Variants in CCDC186 observed in about 807,000 individuals in gnomAD.
The protein encoded by CCDC186 is coiled-coil domain-containing protein 186.
CCDC186 carries 49 observed loss-of-function variants against 113.7 expected under a neutral mutation model. The ratio of observed to expected loss-of-function variants is 0.43; its 90% CI spans 0.34 to 0.55. The LOEUF (loss-of-function observed/expected upper bound fraction) is 0.55, where lower values mean the gene tolerates loss of function less well. CCDC186 is among the 20% of genes least tolerant of loss of function. The pLI, the probability that CCDC186 is intolerant of heterozygous loss-of-function variation, is 0.02. For missense variants in CCDC186, 890 were observed against 1,011.1 expected, an observed-to-expected ratio of 0.88 and a Z score of 1.62; for synonymous variants, 355 against 345.8, an observed-to-expected ratio of 1.03 and a Z score of -0.30.
In CCDC186 at chr10:114,126,936, AG is replaced by A. The variant is rs112805780; in HGVS notation, c.2393+524del. Reference sequence around the variant, plus strand: ...ATCTCCAGCTCTAGGTCTGTCACACAGGGGATGAACGGTGACCCTGGAACAT... The same window carrying A: ...ATCTCCAGCTCTAGGTCTGTCACACAGGGATGAACGGTGACCCTGGAACAT... On this transcript the variant is annotated intron_variant, in intron 14 of 15. Coordinates refer to ENST00000369287, the MANE Select transcript of CCDC186 (RefSeq NM_018017.4). Among the ~76,000 whole-genome samples, 1,294 of 152,290 alleles carry A rather than the reference AG, an allele frequency of 8.5e-3. 20 individuals carry two copies. The highest frequency in any genetic ancestry group is 0.029 in the African/African-American group (1,209 of 41,552).
At chr10:114,171,445 G>C (rs1337204897) in intron 1 of CCDC186, among the ~76,000 whole-genome samples, 2 of 152,132 alleles carry the variant, frequency 1.3e-5, no homozygotes, top group Non-Finnish European at 2.9e-5. Context: ...TAGCTACTCA[G>C]GAGGCTAAGG....
Position 114,124,998 on chromosome 10 carries a change from A to G in CCDC186, c.*145T>C. On this transcript the variant is annotated 3_prime_UTR_variant, in exon 16 of 16. Coordinates refer to ENST00000369287, the MANE Select transcript of CCDC186 (RefSeq NM_018017.4). Reference sequence around the variant, plus strand: ...ATATACAGCAATGCATTCATATTGTAAAAGGGTATTTTTTTGTGTACAGAT... The same window carrying G: ...ATATACAGCAATGCATTCATATTGTGAAAGGGTATTTTTTTGTGTACAGAT... 1.7e-6 allele frequency: 1 copy of G among 597,456 alleles called. No homozygotes were observed. The allele number at this position is 597,456 out of a possible 1,614,324, so 37.0% of individuals were successfully genotyped here. A position where few individuals can be genotyped will look rare whatever the true frequency, so the allele number is the denominator to read the frequency against.
Position 114,125,980 on chromosome 10 carries a change from G to A in CCDC186, c.2519C>T (p.Ala840Val). The A allele has an allele frequency of 1.2e-6, 2 of 1,613,996 alleles. No homozygotes were observed. The highest frequency in any genetic ancestry group is 2.7e-5 in the African/African-American group (2 of 75,026). ...GAGCTCCAATGTTAATCCATTGTCAGCTGGATGGGATGTATATAAAGATGC... is the reference window on the plus strand; with the variant it reads ...GAGCTCCAATGTTAATCCATTGTCAACTGGATGGGATGTATATAAAGATGC... ...IMASLYTSHP[A>V]DNGLTLELSL... Residue 840 changes from alanine to valine, a missense_variant, in exon 15 of 16, where the codon GCT becomes GTT. Ala to Val is a moderately conservative substitution (Grantham distance 64, BLOSUM62 0). Coordinates refer to ENST00000369287, the MANE Select transcript of CCDC186 (RefSeq NM_018017.4).
Position 114,126,101 on chromosome 10 carries a change from T to A in CCDC186, c.2398A>T (p.Ile800Phe). ...TCTTCTCGTAAAATATAACTTTGAA[T>A]TATTCTGCAAAACAAAATGATAGTA... is the stretch of plus-strand genomic sequence containing the variant. ...VEEIRKKTKI[I>F]QSYILREESG... Residue 800 changes from isoleucine to phenylalanine, a missense_variant, in exon 15 of 16, where the codon ATT becomes TTT. Ile to Phe is a conservative substitution (Grantham distance 21, BLOSUM62 0). Transcript: ENST00000369287. 1 of 1,613,116 alleles carries A rather than the reference T, an allele frequency of 6.2e-7. No homozygotes were observed. Among genetic ancestry groups the A allele is most frequent in the Non-Finnish European group, 8.5e-7 (1 of 1,179,426 alleles).
At chr10:114,172,439 G>T (rs1420897704) in intron 1 of CCDC186, among the ~76,000 whole-genome samples, 1 of 152,176 alleles carries the variant, frequency 6.6e-6, no homozygotes, top group African/African-American at 2.4e-5. Context: ...CTTTATGGGT[G>T]AAAGAACTAA....
chr10:114,123,912 C>A lies in CCDC186; in HGVS notation c.*1231G>T. 6.6e-6 allele frequency: 1 copy of A among 152,404 alleles called. No individual in the cohort carries two copies. The highest frequency in any genetic ancestry group is 2.1e-4 in the South Asian group (1 of 4,866). 9.4% of individuals were successfully genotyped at this position (152,404 alleles called of 1,614,324 possible). ...CTAGGCTGGAGTGCAGTGACACGAT[C>A]ATGGCTCACCTGCAGCCTTGACCTC... On this transcript the variant is annotated 3_prime_UTR_variant, in exon 16 of 16. Transcript: ENST00000369287.
At chr10:114,142,121 C>A (rs1239087199) in intron 6 of CCDC186, among the ~76,000 whole-genome samples, 1 of 152,164 alleles carries the variant, frequency 6.6e-6, no homozygotes, top group Non-Finnish European at 1.5e-5. Context: ...ACTGGGCCTT[C>A]TGAGTAAACA....
intron 6 of CCDC186, among the ~76,000 whole-genome samples, chr10:114,139,869 A>G (rs1181198142): frequency 1.3e-5 from 2 of 152,252 alleles, no homozygotes; most frequent in Non-Finnish European, 2.9e-5. Context: ...AGCCTGGCAC[A>G]TAGTAAGCAC....
At chr10:114,155,145 G>T (rs1209851680) in intron 3 of CCDC186, among the ~76,000 whole-genome samples, 1 of 152,316 alleles carries the variant, frequency 6.6e-6, no homozygotes, top group Non-Finnish European at 1.5e-5. Context: ...TTGGGGTGAT[G>T]ACATGTTCTA....
intron 14 of CCDC186, among the ~76,000 whole-genome samples, chr10:114,126,917 A>G (rs2030922751): frequency 6.6e-6 from 1 of 152,212 alleles, no homozygotes; most frequent in Admixed American, 6.5e-5. Context: ...TTGGATCTCC[A>G]GCTCTAGGTC....
At chr10:114,147,254 G>A (rs75819253) in intron 4 of CCDC186, among the ~76,000 whole-genome samples, 10 of 152,288 alleles carry the variant, frequency 6.6e-5, no homozygotes, top group Non-Finnish European at 1.5e-4. Flanking sequence ...GCCTCTGAAA[G>A]AGCTCACCAT....
intron 1 of CCDC186, among the ~76,000 whole-genome samples, chr10:114,164,029 T>C (rs1453316045): frequency 6.8e-6 from 1 of 148,102 alleles, no homozygotes; most frequent in African/African-American, 2.5e-5. Context: ...ACTGCCTAGG[T>C]CAATAAAAGC....
At chr10:114,153,742 C>T (rs1304308180) in intron 3 of CCDC186, among the ~76,000 whole-genome samples, 10 of 147,652 alleles carry the variant, frequency 6.8e-5, no homozygotes, top group Admixed American at 3.4e-4. Context: ...GCCAAGATCA[C>T]GCCACTGCAC....
At position 114,131,330 on chromosome 10, in the gene CCDC186, T is replaced by C. The variant is rs1221094132; in HGVS notation, c.1918A>G (p.Arg640Gly). ...MKQTNINLES[R>G]LLKEEELRKE... ...CGCAGTTCTTCCTCTTTCAACAACC[T>C]ACTTTCCTGAATAGTAAGTAAAACA... Residue 640 changes from arginine (R) to glycine (G), a missense_variant, in exon 12 of 16, where the codon AGG becomes GGG. Coordinates refer to ENST00000369287, the MANE Select transcript of CCDC186 (RefSeq NM_018017.4). The C allele has an allele frequency of 1.9e-6, 3 of 1,573,630 alleles. No individual in the cohort carries two copies. The highest frequency in any genetic ancestry group is 2.6e-6 in the Non-Finnish European group (3 of 1,164,550).
At position 114,131,338 on chromosome 10, in the gene CCDC186, T is replaced by C. The variant is rs2031080685; in HGVS notation, c.1912-2A>G. On this transcript the variant is annotated splice_acceptor_variant, in intron 11 of 15. Transcript: ENST00000369287. LOFTEE classifies it high-confidence loss of function. ...TTCCTCTTTCAACAACCTACTTTCC[T>C]GAATAGTAAGTAAAACAAAAACCAC... 2.6e-6 allele frequency: 4 copies of C among 1,555,594 alleles called. No individual in the cohort carries two copies. The highest frequency in any genetic ancestry group is 2.4e-5 in the East Asian group (1 of 42,008).
chr10:114,151,066 A>T (rs1331215211), intron 4 of CCDC186, 26 bp downstream of exon 4: 1 of 1,605,402 alleles, frequency 6.2e-7, no homozygotes, highest in Non-Finnish European at 8.5e-7. Context: ...ATATCAAGTT[A>T]ATAATGACAA....
chr10:114,172,917 G>A (rs185761441), intron 1 of CCDC186, among the ~76,000 whole-genome samples: 2,074 of 152,206 alleles, frequency 0.014, 53 homozygotes, highest in African/African-American at 0.047. Context: ...TGAACACTCG[G>A]TAAATATTAA....
Position 114,139,108 on chromosome 10 carries a change from C to T in CCDC186, c.1222-1818G>A, listed in dbSNP as rs185424273. 2.6e-5 allele frequency among the ~76,000 whole-genome samples: 4 copies of T among 152,182 alleles called. No individual in the cohort carries two copies. The East Asian group carries it at 5.8e-4, about 22-fold the overall frequency. Reference sequence around the variant, plus strand: ...CAATACTTGCCACATATTAATTGTTCGACTACTATCTGTTGAATTAATACA... The same window carrying T: ...CAATACTTGCCACATATTAATTGTTTGACTACTATCTGTTGAATTAATACA... On this transcript the variant is annotated intron_variant, in intron 6 of 15. Transcript: ENST00000369287.
chr10:114,131,354 CA>C lies in CCDC186; in HGVS notation c.1912-19del, dbSNP rs1489214534. 1.1e-4 allele frequency: 163 copies of C among 1,520,584 alleles called. No individual in the cohort carries two copies. Among genetic ancestry groups the C allele is most frequent in the Non-Finnish European group, 1.4e-4 (158 of 1,138,708 alleles). The allele number at this position is 1,520,584 out of a possible 1,614,324, so 94.2% of individuals were successfully genotyped here. A position where few individuals can be genotyped will look rare whatever the true frequency, so the allele number is the denominator to read the frequency against. ...CTACTTTCCTGAATAGTAAGTAAAA[CA>C]AAAACCACCAATTTTAGTATGTTTG... is the stretch of plus-strand genomic sequence containing the variant. On this transcript the variant is annotated intron_variant, in intron 11 of 15. Coordinates refer to ENST00000369287, the MANE Select transcript of CCDC186 (RefSeq NM_018017.4).
Sources: gnomAD v4.1 joint callset for allele counts (sites outside exome capture counted in the v4.1 genomes callset) on GRCh38, gnomAD v4.1.1 for gene constraint, MANE v1.5 for transcripts, NCBI Gene and HGNC (gene_info 2026-07-23, HGNC 2026-07-21) for gene names.